Variants in ART3 observed in about 807,000 individuals in gnomAD.
ART3 encodes ecto-ADP-ribosyltransferase 3.
ART3 carries 49 observed loss-of-function variants against 48.5 expected under a neutral mutation model. The ratio of observed to expected loss-of-function variants is 1.01; its 90% CI spans 0.80 to 1.28. The LOEUF (loss-of-function observed/expected upper bound fraction) is 1.28, where lower values mean the gene tolerates loss of function less well. Among genes scored for constraint, ART3 ranks in the 50% most tolerant of loss-of-function variants. The pLI is 0.00. For synonymous variants in ART3, 145 were observed against 157.2 expected (o/e 0.92, Z 0.58); for missense variants, 438 against 454.3 (o/e 0.96, Z 0.33).
chr4:76,086,251 G>T (rs909358424), intron 3 of ART3, among the ~76,000 whole-genome samples: 1 of 152,080 alleles, frequency 6.6e-6, no homozygotes, highest in Non-Finnish European at 1.5e-5. Context: ...AGACAAGGGG[G>T]TAAGGAAAAT....
chr4:76,078,818 C>T (rs188572152), intron 2 of ART3, among the ~76,000 whole-genome samples: 1 of 152,184 alleles, frequency 6.6e-6, no homozygotes, highest in Non-Finnish European at 1.5e-5. Context: ...CGGTGGCTCA[C>T]GCCTGTAATC....
intron 1 of ART3, among the ~76,000 whole-genome samples, chr4:76,017,925 G>C (rs1732411216): frequency 6.6e-6 from 1 of 152,216 alleles, no homozygotes; most frequent in Non-Finnish European, 1.5e-5. Flanking sequence ...CCACTGCCAG[G>C]GGAAGGGAGA....
At chr4:76,030,118 G>A (rs1292363268) in intron 1 of ART3, among the ~76,000 whole-genome samples, 9 of 152,258 alleles carry the variant, frequency 5.9e-5, no homozygotes, top group African/African-American at 2.2e-4. Context: ...GTGCAATGAC[G>A]CGATCTCGGC....
intron 1 of ART3, among the ~76,000 whole-genome samples, chr4:76,047,928 C>T (rs1478690487): frequency 1.3e-5 from 2 of 151,964 alleles, no homozygotes; most frequent in African/African-American, 2.4e-5. Context: ...AAAACTTCCC[C>T]AGGTCTGCCT....
chr4:76,086,065 C>G (rs77433776), intron 3 of ART3, among the ~76,000 whole-genome samples: 18,100 of 151,292 alleles, frequency 0.12, 1,374 homozygotes, highest in East Asian at 0.35. Context: ...AGAGTCCCCC[C>G]CCCCGCTCCC....
intron 1 of ART3, among the ~76,000 whole-genome samples, chr4:76,061,520 G>C (rs934611803): frequency 6.6e-6 from 1 of 152,146 alleles, no homozygotes; most frequent in Non-Finnish European, 1.5e-5. Context: ...CTATGAAAGT[G>C]ACCTTTTCAA....
At chr4:76,011,731 G>C (rs1318410331) in intron 1 of ART3, among the ~76,000 whole-genome samples, 1 of 152,208 alleles carries the variant, frequency 6.6e-6, no homozygotes, top group Non-Finnish European at 1.5e-5. Context: ...GTTCTGCCAT[G>C]GTAGGGTAGG....
At position 76,082,239 on chromosome 4, in the gene ART3, A is replaced by G. The variant is rs774563191; in HGVS notation, c.485A>G (p.Tyr162Cys). 1.9e-6 allele frequency: 3 copies of G among 1,614,210 alleles called. No homozygotes were observed. The highest frequency in any genetic ancestry group is 2.2e-5 in the East Asian group (1 of 44,880). The stretch of plus-strand genomic sequence containing the variant: ...GAGGCCAGTTCCAAAACTGTGGTAT[A>G]TAGAACAAGCCAGGGCACTTCATTT... ...PCEASSKTVV[Y>C]RTSQGTSFTF... Residue 162 changes from tyrosine to cysteine, a missense_variant, in exon 3 of 12, where the codon TAT becomes TGT. Tyr to Cys is a radical substitution (Grantham distance 194). Transcript: ENST00000355810.
rs748020159 is a variant in ART3 at position 76,040,437 on chromosome 4, TACACACACACACACACACAC to T, written c.-10+29141_-10+29160del. Among the ~76,000 whole-genome samples, 7 of 88,494 alleles carry T rather than the reference TACACACACACACACACACAC, an allele frequency of 7.9e-5. 1 individual carries two copies. In the Admixed American group the frequency reaches 8.1e-4, roughly 10 times the overall value. The allele number at this position is 88,494 out of a possible 152,430, so 58.1% of individuals were successfully genotyped here. ...TGGATGGATACGCACATACACTGGA[TACACACACACACACACACAC>T]ACACACACACACACACACACACATT... On this transcript the variant is annotated intron_variant, in intron 1 of 9. Transcript: ENST00000341029.
chr4:76,016,584 T>C (rs1015209665), intron 1 of ART3, among the ~76,000 whole-genome samples: 1 of 152,180 alleles, frequency 6.6e-6, no homozygotes, highest in Non-Finnish European at 1.5e-5. Context: ...GGCTACCATC[T>C]GTGTTTGCTC....
upstream of ART3, among the ~76,000 whole-genome samples, chr4:76,071,383 A>T (rs894538857): frequency 6.7e-6 from 1 of 149,990 alleles, no homozygotes; most frequent in African/African-American, 2.5e-5. Flanking sequence ...AAAAAAAAAA[A>T]TTCTTGGACT....
At chr4:76,083,227 C>T (rs535717949) in intron 3 of ART3, among the ~76,000 whole-genome samples, 1 of 152,170 alleles carries the variant, frequency 6.6e-6, no homozygotes, top group South Asian at 2.1e-4. Context: ...ATAGCAGTCG[C>T]CAGCCCCACC....
At chr4:76,059,820 G>A (rs1046912453) in intron 1 of ART3, among the ~76,000 whole-genome samples, 2 of 152,194 alleles carry the variant, frequency 1.3e-5, no homozygotes, top group Non-Finnish European at 2.9e-5. Context: ...GAACTATCAA[G>A]TTTGTACATG....
At chr4:76,034,018 G>A (rs1734107619) in intron 1 of ART3, 1 of 156,322 alleles carries the variant, frequency 6.4e-6, no homozygotes, top group Middle Eastern at 3.2e-3. Flanking sequence ...ATGAATAAAA[G>A]TTGAAAAACA....
intron 1 of ART3, chr4:76,034,657 A>C (rs892148993): frequency 2.7e-6 from 2 of 751,286 alleles, no homozygotes; most frequent in Middle Eastern, 3.7e-4. Flanking sequence ...ATAACTGTAC[A>C]AAAGTTGAAA....
chr4:76,097,793 A>C (rs1217770014), intron 4 of ART3, 117 bp downstream of exon 4: 208 of 851,534 alleles, frequency 2.4e-4, no homozygotes, highest in East Asian at 3.0e-4. Context: ...TCATTTTCTC[A>C]AGGCTAAATT....
rs377139534 is a variant in ART3 at position 76,026,047 on chromosome 4, A to G, written c.-10+14727A>G. ...ATTAAGCTGCTTTACTAAATCCTCT[A>G]TGATCTGGCTGCTACCTATTTGTCC... On this transcript the variant is annotated intron_variant, in intron 1 of 9. Transcript: ENST00000341029. 1.0e-3 allele frequency among the ~76,000 whole-genome samples: 156 copies of G among 152,090 alleles called. 3 individuals are homozygous for G. The highest frequency in any genetic ancestry group is 3.1e-3 in the African/African-American group (128 of 41,450).
intron 1 of ART3, among the ~76,000 whole-genome samples, chr4:76,042,595 G>A (rs1267074018): frequency 6.6e-6 from 1 of 152,214 alleles, no homozygotes; most frequent in East Asian, 1.9e-4. Flanking sequence ...GGACCCTCGC[G>A]GTGAGTGTTA....
chr4:76,039,185 C>T (rs190104789), intron 1 of ART3, among the ~76,000 whole-genome samples: 35 of 150,478 alleles, frequency 2.3e-4, no homozygotes, highest in African/African-American at 8.1e-4. Context: ...CTGCAACCTC[C>T]GCCTCCTGGG....
Sources: allele counts gnomAD v4.1 joint callset (sites outside exome capture counted in the v4.1 genomes callset), GRCh38; gene constraint gnomAD v4.1.1; transcripts MANE v1.5; gene names NCBI Gene and HGNC (gene_info 2026-07-23, HGNC 2026-07-21).